ADORA2B: variants seen among roughly 807,000 people sequenced by gnomAD.
The protein encoded by ADORA2B is adenosine receptor A2b.
A neutral mutation model predicts 20.8 loss-of-function variants in ADORA2B; 18 were observed. The observed-to-expected ratio is 0.87, with a 90% CI of 0.60 to 1.29. The LOEUF is 1.29. Among genes scored for constraint, ADORA2B ranks in the 50% most tolerant of loss-of-function variants. The probability of loss-of-function intolerance (pLI) is 0.00; values close to 1 mark genes in which losing one functional copy is unlikely to be tolerated. For missense variants in ADORA2B, 441 were observed against 422.7 expected, an observed-to-expected ratio of 1.04 and a Z score of -0.38; for synonymous variants, 179 against 178.3, an observed-to-expected ratio of 1.00 and a Z score of -0.03.
the ADORA2B span, among the ~76,000 whole-genome samples, chr17:15,922,452 C>T: frequency 7.9e-5 from 12 of 152,192 alleles, no homozygotes; most frequent in East Asian, 1.7e-3. Flanking sequence ...ATGGGTGTAG[C>T]ATCAATTATC....
chr17:15,946,944 G>A (rs1011092401), intron 1 of ADORA2B, among the ~76,000 whole-genome samples: 2 of 152,224 alleles, frequency 1.3e-5, no homozygotes, highest in South Asian at 2.1e-4. Flanking sequence ...GAATGGAGCC[G>A]GAGAATGCTC....
chr17:15,899,501 T>C, the ADORA2B span, among the ~76,000 whole-genome samples: 1 of 152,182 alleles, frequency 6.6e-6, no homozygotes, highest in Admixed American at 6.5e-5. Context: ...GTTACATGGG[T>C]ATATGGCATG....
the ADORA2B span, among the ~76,000 whole-genome samples, chr17:15,862,844 A>G: frequency 1.3e-5 from 2 of 150,042 alleles, no homozygotes; most frequent in South Asian, 2.1e-4. Flanking sequence ...TCTCACTGCA[A>G]CCTCTGCCTC....
chr17:15,944,550 C>A (rs114820898), upstream of ADORA2B, among the ~76,000 whole-genome samples: 4,644 of 152,216 alleles, frequency 0.031, 242 homozygotes, highest in African/African-American at 0.11. This position sits in a 1 kb window ranked among gnomAD's most constrained non-coding sequence, Gnocchi z 4.8. Flanking sequence ...AGCGCTGAGC[C>A]TCGCTGGGAG....
the ADORA2B span, chr17:15,858,604 A>T: frequency 6.6e-6 from 1 of 151,414 alleles, no homozygotes; most frequent in Non-Finnish European, 1.5e-5. Flanking sequence ...TTAATTAAAA[A>T]CTCCCCCAGT....
At chr17:15,945,694 G>A in intron 1 of ADORA2B, 111 bp downstream of exon 1, 1 of 1,029,546 alleles carries the variant, frequency 9.7e-7, no homozygotes, top group Non-Finnish European at 1.4e-6. Flanking sequence ...CCAGGCTGGG[G>A]GCGCGCGGGG....
chr17:15,875,032 C>T, the ADORA2B span, among the ~76,000 whole-genome samples: 2 of 151,984 alleles, frequency 1.3e-5, no homozygotes, highest in Non-Finnish European at 2.9e-5. Flanking sequence ...GTTTGTTAGT[C>T]ATTTACATCT....
chr17:15,855,469 A>G, the ADORA2B span, among the ~76,000 whole-genome samples: 1 of 152,100 alleles, frequency 6.6e-6, no homozygotes, highest in African/African-American at 2.4e-5. Flanking sequence ...GCAAAACGGT[A>G]TGCAAAGCAA....
At chr17:15,954,287 A>G (rs1396042078) in intron 1 of ADORA2B, among the ~76,000 whole-genome samples, 1 of 152,048 alleles carries the variant, frequency 6.6e-6, no homozygotes, top group Non-Finnish European at 1.5e-5. Flanking sequence ...CCAGGATCCT[A>G]TTTTTAGATG....
chr17:15,867,054 C>T, the ADORA2B span, among the ~76,000 whole-genome samples: 1 of 152,256 alleles, frequency 6.6e-6, no homozygotes, highest in Non-Finnish European at 1.5e-5. Flanking sequence ...CCCGAGGTGC[C>T]GGGATGGCAG....
intron 1 of ADORA2B, among the ~76,000 whole-genome samples, chr17:15,955,868 A>T (rs565401479): frequency 6.6e-5 from 10 of 151,174 alleles, no homozygotes; most frequent in Non-Finnish European, 1.5e-4. Context: ...ACAGGCGTGC[A>T]CCACCACACG....
the ADORA2B span, among the ~76,000 whole-genome samples, chr17:15,867,377 G>C: frequency 6.6e-6 from 1 of 151,776 alleles, no homozygotes; most frequent in African/African-American, 2.4e-5. Context: ...CTGAGATGTG[G>C]GGAGCTCCTC....
the ADORA2B span, among the ~76,000 whole-genome samples, chr17:15,904,889 G>C: frequency 1.3e-5 from 2 of 152,020 alleles, no homozygotes; most frequent in African/African-American, 4.8e-5. Flanking sequence ...TTATTTCTGA[G>C]CTCTCTTTTG....
chr17:15,900,331 C>T, the ADORA2B span, among the ~76,000 whole-genome samples: 1 of 152,194 alleles, frequency 6.6e-6, no homozygotes. Flanking sequence ...GAGAAATCTC[C>T]GAATCGCTTT....
At chr17:15,898,713 C>T in the ADORA2B span, among the ~76,000 whole-genome samples, 3 of 151,998 alleles carry the variant, frequency 2.0e-5, no homozygotes, top group South Asian at 2.1e-4. Flanking sequence ...GTCTAAAGCA[C>T]TACAGAAGTT....
At chr17:15,931,572 T>C in the ADORA2B span, among the ~76,000 whole-genome samples, 1 of 152,200 alleles carries the variant, frequency 6.6e-6, no homozygotes, top group African/African-American at 2.4e-5. Flanking sequence ...TAACCAGCTA[T>C]GTGTGGTGGC....
intron 1 of ADORA2B, among the ~76,000 whole-genome samples, chr17:15,968,027 T>C (rs1306363087): frequency 6.6e-6 from 1 of 152,226 alleles, no homozygotes; most frequent in Non-Finnish European, 1.5e-5. Flanking sequence ...GCGGGTCTTA[T>C]GAGTCACAAT....
chr17:15,941,728 C>CAAAAA (rs750541311), upstream of ADORA2B, among the ~76,000 whole-genome samples: 1 of 87,336 alleles, frequency 1.1e-5, no homozygotes, highest in Non-Finnish European at 2.4e-5. Flanking sequence ...ACTCTTGTTT[C>CAAAAA]AAAAAAAAAA....
At chr17:15,903,599 G>T in the ADORA2B span, among the ~76,000 whole-genome samples, 67 of 151,974 alleles carry the variant, frequency 4.4e-4, no homozygotes, top group Admixed American at 1.8e-3. Flanking sequence ...CCCCACCCTA[G>T]CATCTCACTT....
Sources: gnomAD v4.1 joint callset for allele counts (sites outside exome capture counted in the v4.1 genomes callset) on GRCh38, gnomAD v4.1.1 for gene constraint, Gnocchi (gnomAD v3.1) non-coding constraint, MANE v1.5 for transcripts, NCBI Gene and HGNC (gene_info 2026-07-23, HGNC 2026-07-21) for gene names.